The following OSBPL3 variants were observed in gnomAD, a reference collection of about 807,000 sequenced individuals.
OSBPL3 encodes the protein oxysterol binding protein like 3, also known as oxysterol-binding protein-related protein 3.
A neutral mutation model predicts 120.1 loss-of-function variants in OSBPL3; 65 were observed. The ratio of observed to expected loss-of-function variants is 0.54; its 90% CI spans 0.44 to 0.67. The LOEUF (loss-of-function observed/expected upper bound fraction) is 0.67. OSBPL3 is among the 30% of genes least tolerant of loss of function. OSBPL3 has a pLI of 0.00. For synonymous variants in OSBPL3, 416 were observed against 402.6 expected (o/e 1.03, Z -0.40); for missense variants, 1,004 against 1,082.1 (o/e 0.93, Z 1.01).
Position 24,937,031 on chromosome 7 carries a change from T to C in OSBPL3, c.-150+42855A>G, listed in dbSNP as rs1275782528. Among the ~76,000 whole-genome samples the C allele has an allele frequency of 6.6e-6, 1 of 152,164 alleles. No individual in the cohort carries two copies. Among genetic ancestry groups the C allele is most frequent in the Non-Finnish European group, 1.5e-5 (1 of 68,040 alleles). On this transcript the variant is annotated intron_variant, in intron 1 of 22. Coordinates refer to ENST00000313367, the MANE Select transcript of OSBPL3 (RefSeq NM_015550.4). This position sits in a 1 kb window ranked among gnomAD's most constrained non-coding sequence, Gnocchi z 4.0. The stretch of plus-strand genomic sequence containing the variant: ...GACATACCCAAGACTGGGTAATTTA[T>C]AAAGGAAAGAGGTTTAATTGACTCA...
intron 12 of OSBPL3, among the ~76,000 whole-genome samples, chr7:24,848,010 A>G (rs2128220006): frequency 6.6e-6 from 1 of 152,332 alleles, no homozygotes; most frequent in South Asian, 2.1e-4. Context: ...AGAGACCCAC[A>G]AGCTTCTGCC....
At position 24,831,851 on chromosome 7, in the gene OSBPL3, C is replaced by T. The variant is rs115091949; in HGVS notation, c.1747-946G>A. Among the ~76,000 whole-genome samples the T allele has an allele frequency of 5.9e-3, 897 of 152,316 alleles. 14 individuals carry two copies. Among genetic ancestry groups the T allele is most frequent in the African/African-American group, 0.021 (857 of 41,572 alleles). On this transcript the variant is annotated intron_variant, in intron 15 of 22. Coordinates refer to ENST00000313367, the MANE Select transcript of OSBPL3 (RefSeq NM_015550.4). This position sits in a 1 kb window ranked among gnomAD's most constrained non-coding sequence, Gnocchi z 4.0. ...TTTTTGATGTTGCCTGTAATAGGGA[C>T]CACCTCACCACCTCATGCTATAGAA... is the stretch of plus-strand genomic sequence containing the variant.
rs1314609371 is a variant in OSBPL3, at chr7:24,894,644, G to T, written c.-149-2023C>A. ...GAATACCAGCGGAGTGTTTGTGTGTGTGTGTACAAGCTTTGCTTTTGTTTT... is the reference window on the plus strand; with the variant it reads ...GAATACCAGCGGAGTGTTTGTGTGTTTGTGTACAAGCTTTGCTTTTGTTTT... On this transcript the variant is annotated intron_variant, in intron 1 of 22. Coordinates refer to ENST00000313367, the MANE Select transcript of OSBPL3 (RefSeq NM_015550.4). This position sits in a 1 kb window ranked among gnomAD's most constrained non-coding sequence, Gnocchi z 4.1. Among the ~76,000 whole-genome samples, 1 of 152,158 alleles carries T rather than the reference G, an allele frequency of 6.6e-6. No individual in the cohort carries two copies. Among genetic ancestry groups the T allele is most frequent in the Non-Finnish European group, 1.5e-5 (1 of 68,044 alleles).
chr7:24,890,118 A>G (rs2128335552), intron 2 of OSBPL3, among the ~76,000 whole-genome samples: 1 of 152,352 alleles, frequency 6.6e-6, no homozygotes. Context: ...TAGCACTAAG[A>G]AAAATGACCA....
At chr7:24,935,812 G>T (rs1199229470) in intron 1 of OSBPL3, among the ~76,000 whole-genome samples, 2 of 151,826 alleles carry the variant, frequency 1.3e-5, no homozygotes, top group African/African-American at 4.8e-5. Context: ...CAATGAGTAT[G>T]AGTTGCTTTA....
At chr7:24,909,768 GT>G (rs66683612) in intron 1 of OSBPL3, among the ~76,000 whole-genome samples, 16 of 110,630 alleles carry the variant, frequency 1.4e-4, no homozygotes, top group African/African-American at 2.7e-4. Flanking sequence ...GAAAGCTACT[GT>G]TTTTTTTTTC....
chr7:24,924,583 T>C (rs977237836), intron 1 of OSBPL3, among the ~76,000 whole-genome samples: 22 of 152,204 alleles, frequency 1.4e-4, no homozygotes, highest in African/African-American at 5.3e-4. Flanking sequence ...TTAGTAAACA[T>C]TTCCTCAATG....
Position 24,866,211 on chromosome 7 carries a change from C to T in OSBPL3, c.408G>A (p.Glu136=), listed in dbSNP as rs750013428. Residue 136 remains glutamate, a synonymous_variant, in exon 6 of 23, where the codon GAG becomes GAA. Coordinates refer to ENST00000313367, the MANE Select transcript of OSBPL3 (RefSeq NM_015550.4). ...LKVKSEEVFD[E]WVSKLRHHRM... ...TGTGGTGGCGAAGTTTCGATACCCA[C>T]TCATCAAAGACTTCTTCTGACTTGA... The T allele has an allele frequency of 9.9e-6, 16 of 1,612,104 alleles. No individual in the cohort carries two copies. Among genetic ancestry groups the T allele is most frequent in the Non-Finnish European group, 1.2e-5 (14 of 1,178,270 alleles).
chr7:24,924,714 T>A (rs1810829398), intron 1 of OSBPL3, among the ~76,000 whole-genome samples: 1 of 149,124 alleles, frequency 6.7e-6, no homozygotes, highest in Admixed American at 6.8e-5. Flanking sequence ...ACTGATTATC[T>A]CCAACTTAAT....
chr7:24,841,990 A>G (rs1198574387), intron 13 of OSBPL3, among the ~76,000 whole-genome samples: 1 of 151,934 alleles, frequency 6.6e-6, no homozygotes, highest in Non-Finnish European at 1.5e-5. Context: ...TTCAGCCTGG[A>G]CAACAGAGCG....
Position 24,930,178 on chromosome 7 carries a change from T to G in OSBPL3, c.-149-37557A>C, listed in dbSNP as rs1015174417. Among the ~76,000 whole-genome samples, 1 of 152,194 alleles carries G rather than the reference T, an allele frequency of 6.6e-6. No homozygotes were observed. The highest frequency in any genetic ancestry group is 1.5e-5 in the Non-Finnish European group (1 of 68,016). ...AACTGAATTGATGGCTTTATTCTTC[T>G]AATTAACTAATGATCAAAGGTGAGG... On this transcript the variant is annotated intron_variant, in intron 1 of 22. Transcript: ENST00000313367. The surrounding 1 kb of genome is among the most constrained non-coding windows in gnomAD (Gnocchi z 4.4).
At chr7:24,901,884 A>G (rs562157704) in intron 1 of OSBPL3, among the ~76,000 whole-genome samples, 9 of 152,364 alleles carry the variant, frequency 5.9e-5, no homozygotes, top group Middle Eastern at 3.4e-3. Flanking sequence ...GTCTTCTAGG[A>G]GTATAACCAT....
chr7:24,942,899 A>C (rs576133698), intron 1 of OSBPL3, among the ~76,000 whole-genome samples: 2 of 152,334 alleles, frequency 1.3e-5, no homozygotes, highest in East Asian at 3.9e-4. Flanking sequence ...GTCACTGTAC[A>C]GATTTCACAA....
upstream of OSBPL3, among the ~76,000 whole-genome samples, chr7:24,980,421 C>T (rs534025997): frequency 4.5e-3 from 683 of 152,004 alleles, 11 homozygotes; most frequent in African/African-American, 0.015. Flanking sequence ...GTTGGGAGGG[C>T]GGAGGGAGGC....
intron 1 of OSBPL3, among the ~76,000 whole-genome samples, chr7:24,956,926 T>C (rs1815133532): frequency 1.3e-5 from 2 of 152,226 alleles, no homozygotes. Flanking sequence ...TTTTATTCAT[T>C]GTCTGTTCCA....
chr7:24,980,124 C>G lies in OSBPL3; in HGVS notation c.-388G>C. ...GCTCAAGTCCCCTCTCCCGGGCCGGCTGGCGGGCGCCACCAGCACGCGGCC... is the reference window on the plus strand; with the variant it reads ...GCTCAAGTCCCCTCTCCCGGGCCGGGTGGCGGGCGCCACCAGCACGCGGCC... On this transcript the variant is annotated 5_prime_UTR_variant, in exon 1 of 23. Coordinates refer to ENST00000313367, the MANE Select transcript of OSBPL3 (RefSeq NM_015550.4). The G allele has an allele frequency of 1.2e-6, 1 of 861,058 alleles. No individual in the cohort carries two copies. Among genetic ancestry groups the G allele is most frequent in the Non-Finnish European group, 1.4e-6 (1 of 716,410 alleles). The allele number at this position is 861,058 out of a possible 1,614,324, so 53.3% of individuals were successfully genotyped here.
intron 2 of OSBPL3, among the ~76,000 whole-genome samples, chr7:24,876,222 G>A (rs1011403070): frequency 6.6e-6 from 1 of 152,026 alleles, no homozygotes; most frequent in Non-Finnish European, 1.5e-5. Context: ...CCACTTTGGC[G>A]ATTTACTTAT....
At position 24,834,648 on chromosome 7, in the gene OSBPL3, C is replaced by A; in HGVS notation, c.1584G>T (p.Leu528=). 1 of 1,614,218 alleles carries A rather than the reference C, an allele frequency of 6.2e-7. No individual in the cohort carries two copies. The highest frequency in any genetic ancestry group is 1.1e-5 in the South Asian group (1 of 91,078). ...APCPSSSNIS[L]WNILRNNIGK... is the part of the protein sequence containing the mutation. Reference sequence around the variant, plus strand: ...CGATGTTGTTCCTCAGGATGTTCCACAGGCTGATGTTACTGCTGCTCGGGC... The same window carrying A: ...CGATGTTGTTCCTCAGGATGTTCCAAAGGCTGATGTTACTGCTGCTCGGGC... The change falls in exon 15 of 23, where the codon CTG becomes CTT. Residue 528 remains leucine, a synonymous_variant. Transcript: ENST00000313367. The surrounding 1 kb of genome is among the most constrained non-coding windows in gnomAD (Gnocchi z 5.2).
In OSBPL3 at chr7:24,870,764, G is replaced by A. The variant is rs1166036900; in HGVS notation, c.349C>T (p.Leu117Phe). 1.2e-6 allele frequency: 2 copies of A among 1,611,982 alleles called. No individual in the cohort carries two copies. The highest frequency in any genetic ancestry group is 1.7e-6 in the Non-Finnish European group (2 of 1,178,118). Residue 117 changes from leucine (L) to phenylalanine (F), a missense_variant, in exon 5 of 23, where the codon CTT (leucine) becomes TTT (phenylalanine). By Grantham distance (22) the Leu-to-Phe change is conservative. Around this residue, in one of 4 missense-constraint regions of OSBPL3, gnomAD observed 255 missense variants for 248.7 expected, o/e 1.03. Coordinates refer to ENST00000313367, the MANE Select transcript of OSBPL3 (RefSeq NM_015550.4). ...TGGTAGATGTGCTCCTCGGTGTCAA[G>A]GTCTATGCATTTTGATGACTTCTTT... is the stretch of plus-strand genomic sequence containing the variant. ...SVKKSSKCID[L>F]DTEEHIYHLK...
Sources: gnomAD v4.1 joint callset for allele counts (sites outside exome capture counted in the v4.1 genomes callset) on GRCh38, gnomAD v4.1.1 for gene constraint, gnomAD v4.1.1 regional missense constraint, Gnocchi (gnomAD v3.1) non-coding constraint, MANE v1.5 for transcripts, NCBI Gene and HGNC (gene_info 2026-07-23, HGNC 2026-07-21) for gene names.